MPHOSPH9: variants seen among roughly 807,000 people sequenced by gnomAD.
MPHOSPH9 encodes M-phase phosphoprotein 9.
MPHOSPH9 carries 88 observed loss-of-function variants against 145.5 expected under a neutral mutation model. That is an observed-to-expected ratio of 0.60 (90% CI 0.51 to 0.72). The LOEUF is 0.72. Ranked by LOEUF, MPHOSPH9 falls within the 30% of genes least tolerant of loss-of-function variation. The pLI, the probability that MPHOSPH9 is intolerant of heterozygous loss-of-function variation, is 0.00. For missense variants in MPHOSPH9, 1,238 were observed against 1,386.6 expected, an observed-to-expected ratio of 0.89 and a Z score of 1.70; for synonymous variants, 435 against 486.2, an observed-to-expected ratio of 0.89 and a Z score of 1.39.
chr12:123,214,212 C>G (rs1475201716), intron 7 of MPHOSPH9, among the ~76,000 whole-genome samples: 1 of 152,144 alleles, frequency 6.6e-6, no homozygotes, highest in African/African-American at 2.4e-5. Flanking sequence ...CTTCTTTATT[C>G]TCTTTACAGA....
At chr12:123,180,676 C>A (rs1488438182) in intron 14 of MPHOSPH9, among the ~76,000 whole-genome samples, 2 of 152,098 alleles carry the variant, frequency 1.3e-5, no homozygotes, top group Non-Finnish European at 2.9e-5. Flanking sequence ...AACTGGAGAC[C>A]AGCCTGGCCA....
chr12:123,164,057 G>A lies in MPHOSPH9; in HGVS notation c.2801C>T (p.Ala934Val). 2 of 1,614,128 alleles carry A rather than the reference G, an allele frequency of 1.2e-6. No individual in the cohort carries two copies. Among genetic ancestry groups the A allele is most frequent in the East Asian group, 2.2e-5 (1 of 44,880 alleles). ...NPRQTETSVNASRSPEKCAQQ... is the reference protein window; with the variant it reads ...NPRQTETSVNVSRSPEKCAQQ... ...GGCACACTTTTCTGGAGAACGACTT[G>A]CATTAACTGAAGTTTCAGTTTGCCG... The change falls in exon 19 of 24, where the codon GCA becomes GTA. Residue 934 changes from alanine (A) to valine (V), a missense_variant. Ala to Val is a moderately conservative substitution (Grantham distance 64). Transcript: ENST00000606320.
At chr12:123,201,212 C>T (rs764243773) in intron 11 of MPHOSPH9, among the ~76,000 whole-genome samples, 1 of 146,498 alleles carries the variant, frequency 6.8e-6, no homozygotes, top group South Asian at 2.3e-4. Flanking sequence ...CTAGTTTTCC[C>T]ATAACTTTGA....
At position 123,176,695 on chromosome 12, in the gene MPHOSPH9, G is replaced by A. The variant is rs754959796; in HGVS notation, c.2449C>T (p.Arg817Cys). ...HNSRIHVRPSRANTLATSDVS... is the reference protein window; with the variant it reads ...HNSRIHVRPSCANTLATSDVS... The stretch of plus-strand genomic sequence containing the variant: ...GTAAATGAAATAACTTACTTGGCAC[G>A]CGAGGGTCTCACGTGAATTCTAGAA... The change falls in exon 16 of 24, where the codon CGT (arginine) becomes TGT (cysteine). Residue 817 changes from arginine to cysteine, a missense_variant. By Grantham distance (180) the Arg-to-Cys change is radical (BLOSUM62 -3). Transcript: ENST00000606320. The A allele has an allele frequency of 1.4e-5, 23 of 1,611,732 alleles. No individual in the cohort carries two copies. The highest frequency in any genetic ancestry group is 1.0e-4 in the Admixed American group (6 of 59,970).
intron 8 of MPHOSPH9, among the ~76,000 whole-genome samples, chr12:123,207,201 G>T (rs1326117507): frequency 6.8e-6 from 1 of 147,004 alleles, no homozygotes; most frequent in Non-Finnish European, 1.5e-5. Context: ...ATTTTTCTTG[G>T]TAGAACATGA....
intron 13 of MPHOSPH9, among the ~76,000 whole-genome samples, chr12:123,188,967 TC>T (rs1445613860): frequency 6.6e-6 from 1 of 151,934 alleles, no homozygotes; most frequent in Non-Finnish European, 1.5e-5. Context: ...GCCCAGAACT[TC>T]AAGGCTCCAG....
In MPHOSPH9 at chr12:123,218,494, G is replaced by C. The variant is rs1157583694; in HGVS notation, c.878C>G (p.Ala293Gly). ...CAGTTTTTGTGCCCATGATGTTATA[G>C]CATTACTATTTAAGAAGAGAAAACC... is the stretch of plus-strand genomic sequence containing the variant. ...EVYSGKTNSN[A>G]ITSWAQKLKQ... is the part of the protein sequence containing the mutation. Residue 293 changes from alanine (A) to glycine (G), a missense_variant, in exon 6 of 24, where the codon GCT becomes GGT. By Grantham distance (60) the Ala-to-Gly change is moderately conservative. This residue lies in a region of MPHOSPH9 where 837 missense variants were observed against 897.5 expected (regional missense o/e 0.93). Coordinates refer to ENST00000606320, the MANE Select transcript of MPHOSPH9 (RefSeq NM_022782.4). 6.2e-7 allele frequency: 1 copy of C among 1,611,508 alleles called. No homozygotes were observed.
chr12:123,217,592 C>T (rs948282354), intron 6 of MPHOSPH9, among the ~76,000 whole-genome samples: 1 of 152,106 alleles, frequency 6.6e-6, no homozygotes, highest in South Asian at 2.1e-4. Flanking sequence ...TACTCTCTGG[C>T]TAAATGTAAA....
intron 3 of MPHOSPH9, among the ~76,000 whole-genome samples, chr12:123,225,787 G>A (rs1323525751): frequency 6.6e-6 from 1 of 152,172 alleles, no homozygotes; most frequent in Non-Finnish European, 1.5e-5. Context: ...TGTAATCCCA[G>A]CACTTTGGGA....
At chr12:123,162,296 GC>G in intron 20 of MPHOSPH9, 78 bp from the exon 21 acceptor site, 5 of 658,458 alleles carry the variant, frequency 7.6e-6, no homozygotes, top group Non-Finnish European at 9.6e-6. Flanking sequence ...AGATGAGCTG[GC>G]ATCCAGCTAA....
chr12:123,184,488 CTTTAA>C (rs1187246770), intron 13 of MPHOSPH9, among the ~76,000 whole-genome samples: 2 of 122,422 alleles, frequency 1.6e-5, no homozygotes, highest in Non-Finnish European at 3.3e-5. Flanking sequence ...TACTGCTTCG[CTTTAA>C]TTTAATTTTT....
chr12:123,202,450 T>G, intron 10 of MPHOSPH9, 131 bp from the exon 11 acceptor site: 4 of 1,189,506 alleles, frequency 3.4e-6, no homozygotes, highest in Non-Finnish European at 4.6e-6. Flanking sequence ...CTACAAAATA[T>G]ATAGATTAAT....
At chr12:123,175,451 C>A (rs1308526703) in intron 16 of MPHOSPH9, among the ~76,000 whole-genome samples, 1 of 152,200 alleles carries the variant, frequency 6.6e-6, no homozygotes, top group Non-Finnish European at 1.5e-5. Flanking sequence ...CGGCGCCCAG[C>A]CAAGATCCAA....
chr12:123,161,191 C>T lies in MPHOSPH9; in HGVS notation c.3326G>A (p.Arg1109Gln), dbSNP rs199553878. The change falls in exon 22 of 24, where the codon CGG becomes CAG. Residue 1109 changes from arginine (R) to glutamine (Q), a missense_variant. By Grantham distance (43) the Arg-to-Gln change is conservative (BLOSUM62 1). Around this residue, in one of 3 missense-constraint regions of MPHOSPH9, gnomAD observed 393 missense variants for 462.5 expected, o/e 0.85. Transcript: ENST00000606320. ...AAATCGTTCTGTTTCAGCTAGGGTCCGAATTTTTGCTGTATATTCAAAATC... is the reference window on the plus strand; with the variant it reads ...AAATCGTTCTGTTTCAGCTAGGGTCTGAATTTTTGCTGTATATTCAAAATC... ...GNDFEYTAKI[R>Q]TLAETERFFD... The T allele has an allele frequency of 5.1e-5, 82 of 1,613,960 alleles. 1 individual carries two copies. In the East Asian group the frequency reaches 1.4e-3, roughly 27 times the overall value.
upstream of MPHOSPH9, among the ~76,000 whole-genome samples, chr12:123,234,357 A>C (rs2047796820): frequency 6.7e-6 from 1 of 148,898 alleles, no homozygotes; most frequent in Non-Finnish European, 1.5e-5. Flanking sequence ...GAGCTTCCTA[A>C]GTATACCTAC....
intron 3 of MPHOSPH9, 50 bp downstream of exon 3, chr12:123,227,413 G>T: frequency 7.6e-7 from 1 of 1,320,920 alleles, no homozygotes; most frequent in Non-Finnish European, 1.0e-6. Context: ...GTAGAGGTAT[G>T]TTTTAACATA....
At chr12:123,220,747 C>T (rs1415436628) in intron 5 of MPHOSPH9, among the ~76,000 whole-genome samples, 1 of 151,572 alleles carries the variant, frequency 6.6e-6, no homozygotes, top group Non-Finnish European at 1.5e-5. Flanking sequence ...CAAAGCAAGA[C>T]CCCCACCTTT....
In MPHOSPH9 at chr12:123,165,339, A is replaced by C; in HGVS notation, c.2730T>G (p.Asn910Lys). 1 of 1,613,936 alleles carries C rather than the reference A, an allele frequency of 6.2e-7. No homozygotes were observed. The highest frequency in any genetic ancestry group is 8.5e-7 in the Non-Finnish European group (1 of 1,179,934). ...CCTCTTTCTCTGTCTGTGTCCCCCA[A>C]TTTTTAAATATTTTTCCCTCATCAA... The part of the protein sequence containing the change: ...KELDEGKIFK[N>K]WGTQTEKEDT... The change falls in exon 18 of 24, where the codon AAT becomes AAG. Residue 910 changes from asparagine (N) to lysine (K), a missense_variant. Asn to Lys is a moderately conservative substitution (Grantham distance 94). This residue lies in a region of MPHOSPH9 where 393 missense variants were observed against 462.5 expected (regional missense o/e 0.85). Transcript: ENST00000606320.
intron 13 of MPHOSPH9, among the ~76,000 whole-genome samples, chr12:123,188,510 T>C (rs1478506313): frequency 2.0e-5 from 3 of 152,158 alleles, no homozygotes; most frequent in Non-Finnish European, 4.4e-5. Flanking sequence ...TGGTATCCAT[T>C]TTCCCTCCCC....
Sources: allele counts gnomAD v4.1 joint callset (sites outside exome capture counted in the v4.1 genomes callset), GRCh38; gene constraint gnomAD v4.1.1; regional missense constraint gnomAD v4.1.1; transcripts MANE v1.5; gene names NCBI Gene and HGNC (gene_info 2026-07-23, HGNC 2026-07-21).